REM1: variants seen among roughly 807,000 people sequenced by gnomAD.
The protein encoded by REM1 is RRAD and GEM like GTPase 1.
Under a neutral mutation model 27.0 loss-of-function variants are expected in REM1, and 20 were observed. The ratio of observed to expected loss-of-function variants is 0.74; its 90% CI spans 0.52 to 1.08. The LOEUF (loss-of-function observed/expected upper bound fraction) is 1.08. Among genes scored for constraint, REM1 ranks in the 50% least tolerant of loss-of-function variants. The probability of loss-of-function intolerance (pLI) is 0.00; values close to 1 mark genes in which losing one functional copy is unlikely to be tolerated. For missense variants in REM1, 405 were observed against 407.0 expected (o/e 1.00, Z 0.04); for synonymous variants, 159 against 167.9 (o/e 0.95, Z 0.41).
rs1600573853 is a variant in REM1, at chr20:31,476,321, G to A, written c.-125G>A. Reference sequence around the variant, plus strand: ...CCCATCTGAACAAGAGGGGGATCTGGAAGAAGCCATACAGCAGCTCATCAG... The same window carrying A: ...CCCATCTGAACAAGAGGGGGATCTGAAAGAAGCCATACAGCAGCTCATCAG... On this transcript the variant is annotated 5_prime_UTR_variant, in exon 2 of 5. Coordinates refer to ENST00000201979, the MANE Select transcript of REM1 (RefSeq NM_014012.6). The A allele has an allele frequency of 1.3e-6, 1 of 778,618 alleles. No homozygotes were observed. Among genetic ancestry groups the A allele is most frequent in the Non-Finnish European group, 2.1e-6 (1 of 475,882 alleles). 48.2% of individuals were successfully genotyped at this position (778,618 alleles called of 1,614,324 possible).
At chr20:31,484,028 C>A in intron 4 of REM1, 131 bp from the exon 5 acceptor site, 1 of 1,031,326 alleles carries the variant, frequency 9.7e-7, no homozygotes, top group Non-Finnish European at 1.3e-6. Context: ...TTATCTGAGT[C>A]CCCAGACAGC....
chr20:31,478,674 T>C (rs940396414), intron 3 of REM1, among the ~76,000 whole-genome samples: 1 of 151,852 alleles, frequency 6.6e-6, no homozygotes, highest in African/African-American at 2.4e-5. Flanking sequence ...CTCTAGGGGA[T>C]AGGCTGCTCA....
intron 3 of REM1, among the ~76,000 whole-genome samples, chr20:31,481,218 A>G (rs578226519): frequency 6.6e-6 from 1 of 152,316 alleles, no homozygotes; most frequent in South Asian, 2.1e-4. Flanking sequence ...GGTTGCAGTA[A>G]GCCAAGATCA....
chr20:31,479,087 G>A (rs983608381), intron 3 of REM1, among the ~76,000 whole-genome samples: 3 of 152,174 alleles, frequency 2.0e-5, no homozygotes, highest in East Asian at 1.9e-4. Context: ...CACCCGCCTC[G>A]GCCTTCCAAA....
intron 1 of REM1, 95 bp from the exon 2 acceptor site, chr20:31,476,132 A>G (rs1980487816): frequency 5.9e-6 from 2 of 339,012 alleles, no homozygotes; most frequent in Non-Finnish European, 1.1e-5. Context: ...GTCTGTCATC[A>G]GGAGTAGATC....
At chr20:31,478,890 A>G (rs1980621789) in intron 3 of REM1, among the ~76,000 whole-genome samples, 1 of 149,542 alleles carries the variant, frequency 6.7e-6, no homozygotes, top group Non-Finnish European at 1.5e-5. Flanking sequence ...GCTGGAGCGC[A>G]GTGGCGCCAT....
At position 31,476,393 on chromosome 20, in the gene REM1, T is replaced by G; in HGVS notation, c.-53T>G. ...TCAAAGCAATTGGCTGACAGCCAAT[T>G]CCCCCTTCTTTCAGAAGGAAAGAAG... On this transcript the variant is annotated 5_prime_UTR_variant, in exon 2 of 5. In the 5' UTR this introduces an upstream ATG that the reference lacks. Coordinates refer to ENST00000201979, the MANE Select transcript of REM1 (RefSeq NM_014012.6). 7.0e-7 allele frequency: 1 copy of G among 1,418,800 alleles called. No homozygotes were observed. The highest frequency in any genetic ancestry group is 9.6e-7 in the Non-Finnish European group (1 of 1,041,918). The allele number at this position is 1,418,800 out of a possible 1,614,324, so 87.9% of individuals were successfully genotyped here. A position where few individuals can be genotyped will look rare whatever the true frequency, so the allele number is the denominator to read the frequency against.
Position 31,484,200 on chromosome 20 carries a change from G to T in REM1, c.667G>T (p.Glu223Ter), listed in dbSNP as rs745484589. 13 of 1,607,162 alleles carry T rather than the reference G, an allele frequency of 8.1e-6. No homozygotes were observed. The highest frequency in any genetic ancestry group is 6.7e-5 in the Admixed American group (4 of 59,724). ...CAVVFDCKFI[E>*]TSATLQHNVA... ...TGTGGTGTTCGACTGTAAATTCATC[G>T]AGACATCCGCCACGCTGCAGCACAA... is the stretch of plus-strand genomic sequence containing the variant. The change falls in exon 5 of 5, where the codon GAG becomes TAG. Residue 223 changes from glutamate to a stop codon, truncating the protein, a stop_gained. Coordinates refer to ENST00000201979, the MANE Select transcript of REM1 (RefSeq NM_014012.6). LOFTEE classifies it high-confidence loss of function.
chr20:31,477,303 C>T (rs1298654687), intron 2 of REM1, among the ~76,000 whole-genome samples: 1 of 151,922 alleles, frequency 6.6e-6, no homozygotes, highest in Non-Finnish European at 1.5e-5. Context: ...GTCGGGGGCC[C>T]CAGGATGATG....
intron 4 of REM1, among the ~76,000 whole-genome samples, chr20:31,483,512 G>T (rs1179037063): frequency 3.3e-5 from 5 of 152,130 alleles, no homozygotes; most frequent in African/African-American, 1.2e-4. Flanking sequence ...TTGTCAACCA[G>T]TAACTACAAA....
In REM1 at chr20:31,484,596, C is replaced by A. The variant is rs1281529566; in HGVS notation, c.*166C>A. ...CCCCAGATCCAAGCCTGGGGGATCC[C>A]GGGAAAGCGATGGACAGACAGACGA... On this transcript the variant is annotated 3_prime_UTR_variant, in exon 5 of 5. Transcript: ENST00000201979. The A allele has an allele frequency of 1.1e-6, 1 of 882,622 alleles. No individual in the cohort carries two copies. Among genetic ancestry groups the A allele is most frequent in the Non-Finnish European group, 1.6e-6 (1 of 627,314 alleles). 54.7% of individuals were successfully genotyped at this position (882,622 alleles called of 1,614,324 possible). A position where few individuals can be genotyped will look rare whatever the true frequency, so the allele number is the denominator to read the frequency against.
intron 3 of REM1, 51 bp from the exon 4 acceptor site, chr20:31,482,236 G>A (rs537651515): frequency 1.3e-6 from 2 of 1,583,068 alleles, no homozygotes; most frequent in East Asian, 2.2e-5. Context: ...ACCTTCCTCA[G>A]CCAGGGCCTA....
intron 3 of REM1, among the ~76,000 whole-genome samples, chr20:31,481,254 C>CA: frequency 6.6e-6 from 1 of 152,228 alleles, no homozygotes; most frequent in South Asian, 2.1e-4. Flanking sequence ...GCCTGGGAGA[C>CA]AGAGTAGGAC....
chr20:31,476,110 C>G (rs1412804306), intron 1 of REM1, 117 bp from the exon 2 acceptor site: 4 of 294,840 alleles, frequency 1.4e-5, no homozygotes, highest in African/African-American at 8.6e-5. Context: ...ACTACTGCCC[C>G]TCCACCTGCC....
At chr20:31,481,683 T>C (rs767545707) in intron 3 of REM1, among the ~76,000 whole-genome samples, 3 of 152,174 alleles carry the variant, frequency 2.0e-5, no homozygotes, top group African/African-American at 7.2e-5. Context: ...ATCCAAAATA[T>C]CAAAAGCACT....
chr20:31,484,201 A>C lies in REM1; in HGVS notation c.668A>C (p.Glu223Ala), dbSNP rs1490443449. 2 of 1,607,396 alleles carry C rather than the reference A, an allele frequency of 1.2e-6. No individual in the cohort carries two copies. The highest frequency in any genetic ancestry group is 1.7e-6 in the Non-Finnish European group (2 of 1,176,954). ...CAVVFDCKFIETSATLQHNVA... is the reference protein window; with the variant it reads ...CAVVFDCKFIATSATLQHNVA... Reference sequence around the variant, plus strand: ...GTGGTGTTCGACTGTAAATTCATCGAGACATCCGCCACGCTGCAGCACAAT... The same window carrying C: ...GTGGTGTTCGACTGTAAATTCATCGCGACATCCGCCACGCTGCAGCACAAT... Residue 223 changes from glutamate to alanine, a missense_variant, in exon 5 of 5, where the codon GAG (glutamate) becomes GCG (alanine). Glu to Ala is a moderately radical substitution (Grantham distance 107). Coordinates refer to ENST00000201979, the MANE Select transcript of REM1 (RefSeq NM_014012.6).
chr20:31,476,619 AC>A lies in REM1; in HGVS notation c.176del (p.Pro59LeufsTer206). 1 of 1,612,790 alleles carries A rather than the reference AC, an allele frequency of 6.2e-7. No homozygotes were observed. Among genetic ancestry groups the A allele is most frequent in the Non-Finnish European group, 8.5e-7 (1 of 1,179,510 alleles). On this transcript the variant is annotated frameshift_variant, in exon 2 of 5. Transcript: ENST00000201979. LOFTEE classifies it high-confidence loss of function. ...SASLNPPTQKPSPAPDDWSSE... is the reference protein window; with the variant it reads ...SASLNPPTQKXSPAPDDWSSE... ...CCTCCCTCAACCCTCCCACCCAGAA[AC>A]CTTCACCTGCCCCAGATGATTGGTC...
Position 31,476,425 on chromosome 20 carries a change from G to A in REM1, c.-21G>A. ...TCTTTCAGAAGGAAAGAAGGAAGAAGCAAACCCCCCCCTACCAAAGATGAC... is the reference window on the plus strand; with the variant it reads ...TCTTTCAGAAGGAAAGAAGGAAGAAACAAACCCCCCCCTACCAAAGATGAC... On this transcript the variant is annotated 5_prime_UTR_variant, in exon 2 of 5. Coordinates refer to ENST00000201979, the MANE Select transcript of REM1 (RefSeq NM_014012.6). The A allele has an allele frequency of 6.5e-7, 1 of 1,531,636 alleles. No homozygotes were observed. Among genetic ancestry groups the A allele is most frequent in the Non-Finnish European group, 8.8e-7 (1 of 1,139,996 alleles). The allele number at this position is 1,531,636 out of a possible 1,614,324, so 94.9% of individuals were successfully genotyped here.
intron 3 of REM1, among the ~76,000 whole-genome samples, chr20:31,480,512 AG>A (rs1980695592): frequency 6.6e-6 from 1 of 151,896 alleles, no homozygotes; most frequent in East Asian, 1.9e-4. Flanking sequence ...TAGTAGAGAC[AG>A]GGTTTCACCA....
Sources: allele counts gnomAD v4.1 joint callset (sites outside exome capture counted in the v4.1 genomes callset), GRCh38; gene constraint gnomAD v4.1.1; transcripts MANE v1.5; gene names NCBI Gene and HGNC (gene_info 2026-07-23, HGNC 2026-07-21).